Variants in EDA observed in about 807,000 individuals in gnomAD.
EDA encodes the protein ectodysplasin A.
EDA carries 2 observed loss-of-function variants against 23.6 expected under a neutral mutation model. That is an observed-to-expected ratio of 0.08 (90% CI 0.03 to 0.27). EDA has a LOEUF of 0.27. EDA is among the 10% of genes least tolerant of loss of function. The pLI is 1.00. For synonymous variants in EDA, 131 were observed against 132.0 expected (o/e 0.99, Z 0.05); for missense variants, 229 against 324.2 (o/e 0.71, Z 2.26).
At chrX:69,617,769 G>A (rs775311511) in intron 1 of EDA, 2 of 351,991 alleles carry the variant, frequency 5.7e-6, no homozygotes, top group Non-Finnish European at 1.1e-5. Context: ...TCCTTGAGGT[G>A]AGGGACCCAA....
intron 1 of EDA, among the ~76,000 whole-genome samples, chrX:69,915,988 A>G (rs2018337140): frequency 8.9e-6 from 1 of 112,028 alleles, no homozygotes; most frequent in Non-Finnish European, 1.9e-5. Context: ...GTTGTTGAAC[A>G]AGATAGTCTT....
At chrX:69,708,289 T>C (rs2011818181) in intron 1 of EDA, among the ~76,000 whole-genome samples, 1 of 111,934 alleles carries the variant, frequency 8.9e-6, no homozygotes, top group African/African-American at 3.2e-5. Flanking sequence ...CAGCTCTGCC[T>C]TTGCCTTATT....
intron 1 of EDA, among the ~76,000 whole-genome samples, chrX:69,953,865 A>T (rs1162760430): frequency 1.8e-5 from 2 of 111,924 alleles, no homozygotes; most frequent in Non-Finnish European, 3.8e-5. Context: ...AAATCAGAAC[A>T]GTAGTTGTCT....
chrX:69,987,802 C>A (rs1249613035), intron 2 of EDA, among the ~76,000 whole-genome samples: 1 of 111,381 alleles, frequency 9.0e-6, no homozygotes, highest in African/African-American at 3.3e-5. Context: ...ACAGCTTGCT[C>A]TTAATCCACT....
At chrX:69,825,289 G>A (rs2016384383) in intron 1 of EDA, among the ~76,000 whole-genome samples, 1 of 97,858 alleles carries the variant, frequency 1.0e-5, no homozygotes, top group Non-Finnish European at 2.1e-5. Context: ...GTTCCTCCTT[G>A]TACCTCTGGT....
At chrX:70,028,545 G>A (rs2020152416) in intron 4 of EDA, among the ~76,000 whole-genome samples, 1 of 112,478 alleles carries the variant, frequency 8.9e-6, no homozygotes, top group Non-Finnish European at 1.9e-5. Context: ...ATAGCAAGTA[G>A]TCACTAATGG....
At chrX:70,006,600 A>T (rs1189263100) in intron 2 of EDA, among the ~76,000 whole-genome samples, 2 of 111,230 alleles carry the variant, frequency 1.8e-5, no homozygotes, top group Non-Finnish European at 3.8e-5. Flanking sequence ...TTCTGTTCAG[A>T]TCTTTGCCCA....
chrX:70,005,559 T>C (rs1464673748), intron 2 of EDA, among the ~76,000 whole-genome samples: 1 of 110,209 alleles, frequency 9.1e-6, no homozygotes, highest in Non-Finnish European at 1.9e-5. Context: ...CAACAGTGTG[T>C]TAATGGAACA....
At chrX:69,885,168 A>G (rs991101834) in intron 1 of EDA, among the ~76,000 whole-genome samples, 35 of 112,043 alleles carry the variant, frequency 3.1e-4, no homozygotes, top group African/African-American at 8.4e-4. Context: ...TAATTAGTTC[A>G]GTTGTCTCTT....
At chrX:69,752,091 T>TA (rs2013903052) in intron 1 of EDA, among the ~76,000 whole-genome samples, 1 of 111,356 alleles carries the variant, frequency 9.0e-6, no homozygotes. Context: ...CTGATTGCCC[T>TA]GGCCAGAACT....
intron 1 of EDA, among the ~76,000 whole-genome samples, chrX:69,831,989 C>T (rs2016623129): frequency 1.8e-5 from 2 of 111,232 alleles, no homozygotes; most frequent in African/African-American, 3.3e-5. Flanking sequence ...CTGTAGGTTA[C>T]CTGTTCACTC....
rs185726383 is a variant in EDA, at chrX:69,939,298, G to C, written c.397-17729G>C. On this transcript the variant is annotated intron_variant, in intron 1 of 7. Coordinates refer to ENST00000374552, the MANE Select transcript of EDA (RefSeq NM_001399.5). ...TCAATGTTTTATAGTTTTCAATGTA[G>C]AGATATTTCACTTCTTTGGTTAAGT... Among the ~76,000 whole-genome samples the C allele has an allele frequency of 3.5e-4, 39 of 111,505 alleles. No individual in the cohort carries two copies. The East Asian group carries it at 0.011, about 31-fold the overall frequency.
chrX:69,771,043 GTATTTATTTATT>G (rs748339806), intron 1 of EDA, among the ~76,000 whole-genome samples: 3 of 109,518 alleles, frequency 2.7e-5, no homozygotes, highest in Middle Eastern at 9.3e-3. Context: ...TGCAAAGAAA[GTATTTATTTATT>G]TATTTATTTA....
In EDA at chrX:69,785,840, A is replaced by G. The variant is rs759976192; in HGVS notation, c.396+169136A>G. Reference sequence around the variant, plus strand: ...GTTAGGGAGGATTCCCTCTTTTTCTATTGATTGGAATAGTTTCAGAAGGAA... The same window carrying G: ...GTTAGGGAGGATTCCCTCTTTTTCTGTTGATTGGAATAGTTTCAGAAGGAA... On this transcript the variant is annotated intron_variant, in intron 1 of 7. Transcript: ENST00000374552. Among the ~76,000 whole-genome samples the G allele has an allele frequency of 4.7e-5, 5 of 107,079 alleles. No homozygotes were observed. The East Asian group carries it at 8.7e-4, about 19-fold the overall frequency. 93.0% of individuals were successfully genotyped at this position (107,079 alleles called of 115,157 possible).
chrX:69,839,952 C>A (rs1162999767), intron 1 of EDA, among the ~76,000 whole-genome samples: 1 of 112,292 alleles, frequency 8.9e-6, no homozygotes, highest in Non-Finnish European at 1.9e-5. Flanking sequence ...TTACATTTAA[C>A]CTGATGTGTT....
In EDA at chrX:70,039,252, C is replaced by T. The variant is rs1288062110; in HGVS notation, c.*3643C>T. On this transcript the variant is annotated 3_prime_UTR_variant, in exon 8 of 8. Coordinates refer to ENST00000374552, the MANE Select transcript of EDA (RefSeq NM_001399.5). Reference sequence around the variant, plus strand: ...TTTCAGGACTCTCTCCAGGAGGGCTCGGGGTGTGTCATTTCTATATTCCTC... The same window carrying T: ...TTTCAGGACTCTCTCCAGGAGGGCTTGGGGTGTGTCATTTCTATATTCCTC... 1 of 111,356 alleles carries T rather than the reference C, an allele frequency of 9.0e-6. No individual in the cohort carries two copies. Among genetic ancestry groups the T allele is most frequent in the East Asian group, 2.8e-4 (1 of 3,534 alleles). 9.2% of individuals were successfully genotyped at this position (111,356 alleles called of 1,213,427 possible).
Position 69,754,915 on chromosome X carries a change from A to T in EDA, c.396+138211A>T, listed in dbSNP as rs138717315. ...GTCTTCAGCTCCATCAGGTCATTTA[A>T]GGACTTCTCTACACTGTTTATTCTA... On this transcript the variant is annotated intron_variant, in intron 1 of 7. Coordinates refer to ENST00000374552, the MANE Select transcript of EDA (RefSeq NM_001399.5). 8.9e-5 allele frequency among the ~76,000 whole-genome samples: 10 copies of T among 112,071 alleles called. 1 individual carries two copies. The East Asian group carries it at 2.8e-3, about 32-fold the overall frequency.
rs755741365 is a variant in EDA, at chrX:69,959,621, G to A, written c.502+2489G>A. 5.4e-5 allele frequency among the ~76,000 whole-genome samples: 6 copies of A among 111,462 alleles called. No individual in the cohort carries two copies. The South Asian group carries it at 2.3e-3, about 42-fold the overall frequency. On this transcript the variant is annotated intron_variant, in intron 2 of 7. Coordinates refer to ENST00000374552, the MANE Select transcript of EDA (RefSeq NM_001399.5). ...TTCCCACTGCCTAGAAACAGACTTG[G>A]CACCTAGTAGACCCTCAATAAATAT...
At chrX:69,678,605 A>T (rs964223937) in intron 1 of EDA, among the ~76,000 whole-genome samples, 1 of 109,114 alleles carries the variant, frequency 9.2e-6, no homozygotes, top group Non-Finnish European at 1.9e-5. Flanking sequence ...GAGTTCACTC[A>T]CGATTTGGCT....
Sources: allele counts gnomAD v4.1 joint callset (sites outside exome capture counted in the v4.1 genomes callset), GRCh38; gene constraint gnomAD v4.1.1; transcripts MANE v1.5; gene names NCBI Gene and HGNC (gene_info 2026-07-23, HGNC 2026-07-21).